Variants in LCLAT1 observed in about 807,000 individuals in gnomAD.
LCLAT1 encodes the protein lysocardiolipin acyltransferase 1.
Under a neutral mutation model 30.7 loss-of-function variants are expected in LCLAT1, and 11 were observed. The observed-to-expected ratio is 0.36, with a 90% CI of 0.23 to 0.59. The LOEUF (loss-of-function observed/expected upper bound fraction) is 0.59. Ranked by LOEUF, LCLAT1 falls within the 20% of genes least tolerant of loss-of-function variation. LCLAT1 has a pLI of 0.77. For synonymous variants in LCLAT1, 155 were observed against 151.3 expected (o/e 1.02, Z -0.18); for missense variants, 402 against 458.6 (o/e 0.88, Z 1.13).
At chr2:30,485,213 T>A (rs994432071) in intron 1 of LCLAT1, among the ~76,000 whole-genome samples, 1 of 152,190 alleles carries the variant, frequency 6.6e-6, no homozygotes, top group African/African-American at 2.4e-5. Flanking sequence ...CCATGCATGG[T>A]TGGCTTCATT....
chr2:30,562,803 G>A (rs1454475830), intron 4 of LCLAT1, among the ~76,000 whole-genome samples: 1 of 151,976 alleles, frequency 6.6e-6, no homozygotes, highest in Non-Finnish European at 1.5e-5. Flanking sequence ...CCTCTTCTAA[G>A]GTATTTATTT....
At chr2:30,596,707 A>AG (rs1462746965) in intron 5 of LCLAT1, among the ~76,000 whole-genome samples, 2 of 149,880 alleles carry the variant, frequency 1.3e-5, no homozygotes, top group African/African-American at 4.9e-5. Context: ...TTCATCATGA[A>AG]ATCTTTGCCC....
intron 4 of LCLAT1, among the ~76,000 whole-genome samples, chr2:30,565,435 C>A (rs1665435696): frequency 1.3e-5 from 2 of 152,102 alleles, no homozygotes; most frequent in East Asian, 3.9e-4. Flanking sequence ...ATATTAGTCT[C>A]TTCTAAAAAA....
intron 5 of LCLAT1, among the ~76,000 whole-genome samples, chr2:30,592,003 C>T (rs543565587): frequency 6.6e-6 from 1 of 152,298 alleles, no homozygotes; most frequent in African/African-American, 2.4e-5. Flanking sequence ...ACCTCCCCTA[C>T]CAGACTGTTA....
chr2:30,470,124 G>A (rs829566), intron 1 of LCLAT1, among the ~76,000 whole-genome samples: 14,421 of 152,090 alleles, frequency 0.095, 723 homozygotes, highest in East Asian at 0.13. Context: ...GGGGTTACAG[G>A]GCCAGTTGAG....
At chr2:30,468,004 A>G (rs1345144405) in intron 1 of LCLAT1, among the ~76,000 whole-genome samples, 6 of 152,182 alleles carry the variant, frequency 3.9e-5, no homozygotes, top group Admixed American at 1.3e-4. Flanking sequence ...TTAGACATGA[A>G]GTCCTTGCCC....
chr2:30,593,863 C>T (rs757037113), intron 5 of LCLAT1, among the ~76,000 whole-genome samples: 3 of 148,126 alleles, frequency 2.0e-5, no homozygotes, highest in Non-Finnish European at 3.0e-5. Flanking sequence ...GTGGAGGCTG[C>T]AGTGAGCTGT....
At chr2:30,628,520 C>T (rs1271136195) in intron 5 of LCLAT1, among the ~76,000 whole-genome samples, 1 of 152,126 alleles carries the variant, frequency 6.6e-6, no homozygotes, top group African/African-American at 2.4e-5. Flanking sequence ...ACTTGCTTTA[C>T]CAGATATTGA....
At chr2:30,506,238 T>C (rs1455063711) in intron 1 of LCLAT1, among the ~76,000 whole-genome samples, 3 of 152,126 alleles carry the variant, frequency 2.0e-5, no homozygotes, top group African/African-American at 4.8e-5. Flanking sequence ...AACTGTGTAG[T>C]TTGTTCCTTT....
chr2:30,476,654 T>TC (rs1210675909), intron 1 of LCLAT1: 1 of 393,788 alleles, frequency 2.5e-6, no homozygotes, highest in Non-Finnish European at 5.0e-6. Flanking sequence ...TATAATTATT[T>TC]CATTATATAT....
At chr2:30,479,548 T>G (rs1484928337) in intron 1 of LCLAT1, among the ~76,000 whole-genome samples, 1 of 152,146 alleles carries the variant, frequency 6.6e-6, no homozygotes, top group Non-Finnish European at 1.5e-5. Flanking sequence ...TGCCTGGCTG[T>G]GTATATGTTT....
At position 30,455,383 on chromosome 2, in the gene LCLAT1, T is replaced by C. The variant is rs540172542; in HGVS notation, c.-5+8000T>C. ...CGTGACTTAAAATGACAGGCATTTA[T>C]TTCTCAGCGTTCTGGAGGCCAGAAT... On this transcript the variant is annotated intron_variant, in intron 1 of 5. Transcript: ENST00000379509. Among the ~76,000 whole-genome samples the C allele has an allele frequency of 2.6e-5, 4 of 152,312 alleles. 1 individual carries two copies. The East Asian group carries it at 7.7e-4, about 29-fold the overall frequency.
intron 1 of LCLAT1, among the ~76,000 whole-genome samples, chr2:30,465,998 ATT>A (rs1362758184): frequency 6.6e-6 from 1 of 152,012 alleles, no homozygotes; most frequent in East Asian, 1.9e-4. Context: ...CTGACATATA[ATT>A]TCTTATATTT....
At chr2:30,578,685 A>T (rs768481991) in intron 5 of LCLAT1, among the ~76,000 whole-genome samples, 28 of 152,160 alleles carry the variant, frequency 1.8e-4, no homozygotes, top group Non-Finnish European at 3.5e-4. Context: ...CTGATCTTAG[A>T]TGTCATTATT....
chr2:30,633,225 A>C (rs1366067740), intron 5 of LCLAT1, among the ~76,000 whole-genome samples: 1 of 152,200 alleles, frequency 6.6e-6, no homozygotes, highest in African/African-American at 2.4e-5. Context: ...AACAATGTAC[A>C]AAATCAGCAG....
chr2:30,521,492 CTTTTTTTT>C (rs869093721), intron 1 of LCLAT1, among the ~76,000 whole-genome samples: 5 of 16,816 alleles, frequency 3.0e-4, no homozygotes, highest in Non-Finnish European at 4.5e-4. Flanking sequence ...ACTACTTCTT[CTTTTTTTT>C]TTTTTTTTTT....
intron 1 of LCLAT1, among the ~76,000 whole-genome samples, chr2:30,457,699 G>C (rs1323964808): frequency 6.6e-6 from 1 of 152,092 alleles, no homozygotes; most frequent in Non-Finnish European, 1.5e-5. Flanking sequence ...TAGAGGTGTT[G>C]ATTTTATATT....
intron 1 of LCLAT1, among the ~76,000 whole-genome samples, chr2:30,448,703 T>TG (rs1681390859): frequency 6.6e-6 from 1 of 152,160 alleles, no homozygotes; most frequent in Admixed American, 6.5e-5. Context: ...GAGGAAGCAA[T>TG]GGGGAAAACC....
chr2:30,479,237 G>GT lies in LCLAT1; in HGVS notation c.-5+31864dup, dbSNP rs538659392. On this transcript the variant is annotated intron_variant, in intron 1 of 5. Transcript: ENST00000379509. ...TGTTTTTTGTTTTTTATTTTCTTTG[G>GT]TTTTTTTTTTGGGACAGGGTCTCAT... Among the ~76,000 whole-genome samples the GT allele has an allele frequency of 3.6e-3, 530 of 147,432 alleles. 1 individual carries two copies. Among genetic ancestry groups the GT allele is most frequent in the South Asian group, 0.016 (76 of 4,644 alleles).
Sources: allele counts gnomAD v4.1 joint callset (sites outside exome capture counted in the v4.1 genomes callset), GRCh38; gene constraint gnomAD v4.1.1; transcripts MANE v1.5; gene names NCBI Gene and HGNC (gene_info 2026-07-23, HGNC 2026-07-21).